Variants in KCNH1 observed in about 807,000 individuals in gnomAD.
The protein encoded by KCNH1 is potassium voltage-gated channel subfamily H member 1.
A neutral mutation model predicts 69.2 loss-of-function variants in KCNH1; 27 were observed. The observed-to-expected ratio is 0.39, with a 90% CI of 0.29 to 0.54. The LOEUF is 0.54. Ranked by LOEUF, KCNH1 falls within the 20% of genes least tolerant of loss-of-function variation. The pLI is 0.68. For missense variants in KCNH1, 798 were observed against 1,261.6 expected (o/e 0.63, Z 5.57); for synonymous variants, 456 against 487.7 (o/e 0.93, Z 0.86).
rs532969235 is a variant in KCNH1 at position 211,131,853 on chromosome 1, A to G, written c.79+2014T>C. Among the ~76,000 whole-genome samples the G allele has an allele frequency of 1.1e-4, 16 of 152,284 alleles. No homozygotes were observed. In the South Asian group the frequency reaches 1.2e-3, roughly 12 times the overall value. On this transcript the variant is annotated intron_variant, in intron 1 of 10. Coordinates refer to ENST00000271751, the MANE Select transcript of KCNH1 (RefSeq NM_172362.3). ...CATTTTTTTTGATGCTATTCATTTG[A>G]TTGGTTAATTGAAATCAACCTGCTG...
chr1:210,882,280 G>A (rs1393696538), intron 7 of KCNH1, among the ~76,000 whole-genome samples: 2 of 152,086 alleles, frequency 1.3e-5, no homozygotes, highest in Non-Finnish European at 2.9e-5. Flanking sequence ...GTAGTCATGG[G>A]TACAGACACC....
intron 10 of KCNH1, among the ~76,000 whole-genome samples, chr1:210,718,679 C>T (rs1682370715): frequency 9.2e-6 from 1 of 109,100 alleles, no homozygotes; most frequent in African/African-American, 4.2e-5. Context: ...CACACACACA[C>T]ACACACACAC....
intron 5 of KCNH1, among the ~76,000 whole-genome samples, chr1:211,077,134 T>C (rs941872620): frequency 1.3e-5 from 2 of 152,128 alleles, no homozygotes; most frequent in African/African-American, 2.4e-5. Flanking sequence ...CTACATTTGA[T>C]TGGTGTACCT....
intron 6 of KCNH1, among the ~76,000 whole-genome samples, chr1:210,954,256 T>A (rs1574358681): frequency 6.6e-6 from 1 of 152,140 alleles, no homozygotes; most frequent in East Asian, 1.9e-4. Context: ...ATGGCTGCAT[T>A]GTATTCCATG....
At chr1:211,065,385 G>A (rs1690510928) in intron 5 of KCNH1, among the ~76,000 whole-genome samples, 1 of 152,164 alleles carries the variant, frequency 6.6e-6, no homozygotes, top group Non-Finnish European at 1.5e-5. Flanking sequence ...GTCAAGCCCA[G>A]AAAGACAAAT....
chr1:210,917,091 T>C (rs1057010068), intron 7 of KCNH1, among the ~76,000 whole-genome samples: 2 of 151,490 alleles, frequency 1.3e-5, no homozygotes, highest in African/African-American at 4.9e-5. Context: ...GAGGTTGCAG[T>C]GAGCCTATCA....
chr1:210,685,808 A>C (rs1245209088), intron 10 of KCNH1, among the ~76,000 whole-genome samples: 1 of 152,190 alleles, frequency 6.6e-6, no homozygotes, highest in Non-Finnish European at 1.5e-5. Flanking sequence ...TATGACCAAC[A>C]AGATGATTGT....
chr1:211,042,102 T>A (rs1690006263), intron 5 of KCNH1, among the ~76,000 whole-genome samples: 1 of 152,134 alleles, frequency 6.6e-6, no homozygotes, highest in South Asian at 2.1e-4. Context: ...CTGTGGGAGC[T>A]CAGAATGCTC....
intron 6 of KCNH1, among the ~76,000 whole-genome samples, chr1:210,930,996 AT>A (rs1429279456): frequency 6.6e-6 from 1 of 152,200 alleles, no homozygotes; most frequent in Non-Finnish European, 1.5e-5. Flanking sequence ...AATGGCCATA[AT>A]CAAAAAGTCA....
At position 211,023,169 on chromosome 1, in the gene KCNH1, A is replaced by T. The variant is rs568793289; in HGVS notation, c.559-3913T>A. Among the ~76,000 whole-genome samples the T allele has an allele frequency of 4.6e-3, 690 of 151,166 alleles. 9 individuals are homozygous for T. The highest frequency in any genetic ancestry group is 0.016 in the African/African-American group (656 of 41,274). ...AAATAAATAAATAAATAAATTAAAA[A>T]TGCTGGTGAGGATCCAGATGAAGGG... On this transcript the variant is annotated intron_variant, in intron 5 of 10. Coordinates refer to ENST00000271751, the MANE Select transcript of KCNH1 (RefSeq NM_172362.3).
chr1:210,923,292 C>A (rs1057473091), intron 6 of KCNH1, among the ~76,000 whole-genome samples: 3 of 152,320 alleles, frequency 2.0e-5, no homozygotes, highest in Admixed American at 2.0e-4. Context: ...GTCTTCTAGA[C>A]CACCTTTAAG....
At chr1:211,041,806 G>T (rs548195089) in intron 5 of KCNH1, among the ~76,000 whole-genome samples, 36 of 152,240 alleles carry the variant, frequency 2.4e-4, no homozygotes, top group African/African-American at 8.4e-4. Context: ...CGAGGCTGGA[G>T]TGCAGTGGCA....
At chr1:210,993,226 C>T (rs1461138098) in intron 6 of KCNH1, among the ~76,000 whole-genome samples, 1 of 152,202 alleles carries the variant, frequency 6.6e-6, no homozygotes, top group Non-Finnish European at 1.5e-5. Context: ...AAATTTTAAG[C>T]AGCCTGGTGG....
intron 10 of KCNH1, among the ~76,000 whole-genome samples, chr1:210,759,105 A>C (rs1335945398): frequency 6.7e-6 from 1 of 150,292 alleles, no homozygotes; most frequent in African/African-American, 2.5e-5. Flanking sequence ...CCCCAAGGGG[A>C]AAAAAGAATT....
intron 6 of KCNH1, among the ~76,000 whole-genome samples, chr1:210,922,034 A>G (rs1687468056): frequency 6.6e-6 from 1 of 151,986 alleles, no homozygotes; most frequent in Admixed American, 6.6e-5. Flanking sequence ...TTGCCACACA[A>G]ATTACTTTTG....
intron 6 of KCNH1, among the ~76,000 whole-genome samples, chr1:211,013,447 G>C (rs1333977370): frequency 6.6e-6 from 1 of 152,148 alleles, no homozygotes; most frequent in Non-Finnish European, 1.5e-5. Flanking sequence ...CTGTAAGAAA[G>C]GTCCACGAAA....
intron 6 of KCNH1, among the ~76,000 whole-genome samples, chr1:210,936,639 T>G (rs1687780371): frequency 6.6e-6 from 1 of 152,234 alleles, no homozygotes; most frequent in African/African-American, 2.4e-5. Context: ...TTAATTATCT[T>G]GCATACCAAT....
At chr1:211,104,423 G>A (rs1248231152) in intron 2 of KCNH1, among the ~76,000 whole-genome samples, 1 of 151,940 alleles carries the variant, frequency 6.6e-6, no homozygotes, top group East Asian at 1.9e-4. Flanking sequence ...TAATTTATTA[G>A]AGAAAACCTC....
At chr1:210,861,355 T>C (rs1685974502) in intron 7 of KCNH1, 16 of 783,192 alleles carry the variant, frequency 2.0e-5, no homozygotes, top group Non-Finnish European at 3.6e-5. Flanking sequence ...TGTACTGTTA[T>C]AACACTTTCA....
Sources: allele counts gnomAD v4.1 joint callset (sites outside exome capture counted in the v4.1 genomes callset), GRCh38; gene constraint gnomAD v4.1.1; transcripts MANE v1.5; gene names NCBI Gene and HGNC (gene_info 2026-07-23, HGNC 2026-07-21).